Variants in EEF2KMT observed in about 807,000 individuals in gnomAD.
EEF2KMT encodes the protein protein-lysine N-methyltransferase EEF2KMT.
In EEF2KMT, 30 loss-of-function variants were observed where a neutral mutation model predicts 35.1. That is an observed-to-expected ratio of 0.85 (90% confidence interval 0.64 to 1.16). EEF2KMT has a LOEUF of 1.16. Ranked by LOEUF, EEF2KMT falls within the 50% of genes most tolerant of loss-of-function variation. The pLI, the probability that EEF2KMT is intolerant of heterozygous loss-of-function variation, is 0.00. For synonymous variants in EEF2KMT, 190 were observed against 187.7 expected, an observed-to-expected ratio of 1.01 and a Z score of -0.10; for missense variants, 499 against 438.2, an observed-to-expected ratio of 1.14 and a Z score of -1.24.
At chr16:5,088,917 C>T (rs998092593) in intron 7 of EEF2KMT, among the ~76,000 whole-genome samples, 190 bp downstream of exon 7, 7 of 152,320 alleles carry the variant, frequency 4.6e-5, no homozygotes, top group Non-Finnish European at 8.8e-5. Context: ...TGCTGAGCTG[C>T]CCTCCTCCTG....
intron 7 of EEF2KMT, among the ~76,000 whole-genome samples, chr16:5,088,097 A>C (rs897382213): frequency 7.2e-5 from 11 of 151,942 alleles, no homozygotes; most frequent in Non-Finnish European, 1.5e-4. Context: ...GTGTGCAACC[A>C]CATCTGGCTA....
rs757565797 is a variant in EEF2KMT, at chr16:5,090,102, C to G, written c.724G>C (p.Asp242His). The change falls in exon 6 of 8, where the codon GAT becomes CAT. Residue 242 changes from aspartate (D) to histidine (H), a missense_variant. Asp to His is a moderately conservative substitution (Grantham distance 81, BLOSUM62 -1). Transcript: ENST00000427587. The surrounding 1 kb of genome is among the most constrained non-coding windows in gnomAD (Gnocchi z 4.1). ...GCATTACCTGCTGCAATGACAACAT[C>G]TGGCTGGAAGGCAGAGAGCTGATGG... Reference protein sequence around the residue: ...TVHQLSAFQPDVVIAADVLYC... With the variant: ...TVHQLSAFQPHVVIAADVLYC... 2 of 1,606,660 alleles carry G rather than the reference C, an allele frequency of 1.2e-6. No individual in the cohort carries two copies. Among genetic ancestry groups the G allele is most frequent in the Non-Finnish European group, 1.7e-6 (2 of 1,179,840 alleles).
rs750228219 is a variant in EEF2KMT at position 5,084,740 on chromosome 16, T to G, written c.*892A>C. The G allele has an allele frequency of 3.8e-6, 6 of 1,595,772 alleles. No homozygotes were observed. Among genetic ancestry groups the G allele is most frequent in the Non-Finnish European group, 5.1e-6 (6 of 1,179,414 alleles). ...CAATGAGGTAAGCTCTGCTCTTTAT[T>G]TTTTTGCAGATGCTTTTCTCAAACT... On this transcript the variant is annotated 3_prime_UTR_variant, in exon 8 of 8. Coordinates refer to ENST00000427587, the MANE Select transcript of EEF2KMT (RefSeq NM_201400.4).
At position 5,085,637 on chromosome 16, in the gene EEF2KMT, G is replaced by A. The variant is rs568457681; in HGVS notation, c.988C>T (p.Leu330=). The part of the protein sequence containing the change: ...HLEMAMLNLT[L] ...GTTGGAGTCGTGTGTGAGTCCTACA[G>A]GGTGAGATTCAGCATTGCCATCTCC... is the stretch of plus-strand genomic sequence containing the variant. Residue 330 remains leucine, a synonymous_variant, in exon 8 of 8, where the codon CTG becomes TTG. Coordinates refer to ENST00000427587, the MANE Select transcript of EEF2KMT (RefSeq NM_201400.4). 1.9e-6 allele frequency: 3 copies of A among 1,605,322 alleles called. No individual in the cohort carries two copies. Among genetic ancestry groups the A allele is most frequent in the East Asian group, 4.5e-5 (2 of 44,860 alleles).
At chr16:5,095,660 T>G in intron 1 of EEF2KMT, 146 bp from the exon 2 acceptor site, 1 of 1,323,132 alleles carries the variant, frequency 7.6e-7, no homozygotes, top group South Asian at 1.3e-5. Flanking sequence ...GCTGAAAGCC[T>G]GACATTCAGA....
chr16:5,093,415 A>C lies in EEF2KMT; in HGVS notation c.240+69T>G. 3 of 1,608,266 alleles carry C rather than the reference A, an allele frequency of 1.9e-6. No individual in the cohort carries two copies. The Admixed American group carries it at 5.0e-5, about 27-fold the overall frequency. On this transcript the variant is annotated intron_variant, in intron 3 of 7. Coordinates refer to ENST00000427587, the MANE Select transcript of EEF2KMT (RefSeq NM_201400.4). ...TGCAAAGCAGGCCCAGGGCCTGGGA[A>C]GGACGGGGGCTCCAGCACGCAGGTG...
At chr16:5,088,650 C>T (rs1199200769) in intron 7 of EEF2KMT, among the ~76,000 whole-genome samples, 3 of 152,146 alleles carry the variant, frequency 2.0e-5, no homozygotes, top group Admixed American at 6.5e-5. Context: ...TGCTGGCCCA[C>T]TATGGGGCCA....
intron 1 of EEF2KMT, 58 bp from the exon 2 acceptor site, chr16:5,095,572 G>C: frequency 6.2e-7 from 1 of 1,607,236 alleles, no homozygotes. Flanking sequence ...CATTAAACAC[G>C]CAATAGAATG....
chr16:5,089,120 G>A lies in EEF2KMT; in HGVS notation c.879C>T (p.Phe293=), dbSNP rs1957282600. Residue 293 remains phenylalanine (F), a synonymous_variant, in exon 7 of 8, where the codon TTC becomes TTT. Transcript: ENST00000427587. The stretch of plus-strand genomic sequence containing the variant: ...GTGGAGGCTCACCTAGCTCGGTGGT[G>A]AACAGCTGGCACGTCTCTGGGTTGC... ...TVRNPETCQL[F]TTELGRAGIR... is the part of the protein sequence containing the mutation. 2 of 1,612,732 alleles carry A rather than the reference G, an allele frequency of 1.2e-6. No homozygotes were observed. Among genetic ancestry groups the A allele is most frequent in the Non-Finnish European group, 1.7e-6 (2 of 1,179,864 alleles).
Position 5,097,785 on chromosome 16 carries a change from C to A in EEF2KMT, c.-46G>T. The A allele has an allele frequency of 1.3e-6, 2 of 1,527,020 alleles. No homozygotes were observed. The highest frequency in any genetic ancestry group is 2.4e-5 in the South Asian group (2 of 83,308). 94.6% of individuals were successfully genotyped at this position (1,527,020 alleles called of 1,614,324 possible). A position where few individuals can be genotyped will look rare whatever the true frequency, so the allele number is the denominator to read the frequency against. On this transcript the variant is annotated 5_prime_UTR_variant, in exon 1 of 8. Coordinates refer to ENST00000427587, the MANE Select transcript of EEF2KMT (RefSeq NM_201400.4). ...GTTGCCGGCAGACCGGGCGGAAGCC[C>A]GGCCTGGACTGAAGAGGGGGCGGGC...
Position 5,090,399 on chromosome 16 carries a change from G to A in EEF2KMT, c.476+33C>T, listed in dbSNP as rs760999927. On this transcript the variant is annotated intron_variant, in intron 5 of 7. Transcript: ENST00000427587. The surrounding 1 kb of genome is among the most constrained non-coding windows in gnomAD (Gnocchi z 4.1). ...TCTGCGACTGCACCAGGGTAAGCCT[G>A]CCTCGGTGCCCTGCCCTGCGCCCCG... 5 of 1,612,032 alleles carry A rather than the reference G, an allele frequency of 3.1e-6. No individual in the cohort carries two copies. The highest frequency in any genetic ancestry group is 2.2e-5 in the East Asian group (1 of 44,876).
chr16:5,094,938 G>C (rs1257402056), intron 2 of EEF2KMT, among the ~76,000 whole-genome samples: 1 of 152,198 alleles, frequency 6.6e-6, no homozygotes, highest in Non-Finnish European at 1.5e-5. Context: ...CCAGGATGCA[G>C]GGTGATCTGC....
chr16:5,095,025 C>A (rs1188770820), intron 2 of EEF2KMT, among the ~76,000 whole-genome samples: 1 of 152,146 alleles, frequency 6.6e-6, no homozygotes, highest in Non-Finnish European at 1.5e-5. Context: ...GGCAGATGCA[C>A]TTGAGTCCAA....
At chr16:5,097,104 G>C (rs1957486602) in intron 1 of EEF2KMT, among the ~76,000 whole-genome samples, 1 of 152,214 alleles carries the variant, frequency 6.6e-6, no homozygotes, top group Non-Finnish European at 1.5e-5. Flanking sequence ...CCTGTGCTGA[G>C]AATGGCAGGT....
In EEF2KMT at chr16:5,097,688, G is replaced by C; in HGVS notation, c.52C>G (p.Arg18Gly). Residue 18 changes from arginine to glycine, a missense_variant, in exon 1 of 8, where the codon CGC becomes GGC. Coordinates refer to ENST00000427587, the MANE Select transcript of EEF2KMT (RefSeq NM_201400.4). ...AGTGTGCGTGCCGCCAGGAAGCGGC[G>C]CTCGAAACTCTGCAGCAAGAGTTCG... ...GTELLLQSFE[R>G]RFLAARTLRS... 6.3e-7 allele frequency: 1 copy of C among 1,580,820 alleles called. No individual in the cohort carries two copies. Among genetic ancestry groups the C allele is most frequent in the Non-Finnish European group, 8.6e-7 (1 of 1,168,812 alleles).
At chr16:5,092,794 C>A (rs530334655) in intron 3 of EEF2KMT, among the ~76,000 whole-genome samples, 1 of 152,120 alleles carries the variant, frequency 6.6e-6, no homozygotes, top group Admixed American at 6.5e-5. Flanking sequence ...GAAACTCTGT[C>A]TCTATTAAAA....
Position 5,090,713 on chromosome 16 carries a change from C to T in EEF2KMT, c.343-148G>A. ...AAGCAGCTAACTGTTGGCATGCCAA[C>T]AGCTTTCACGGGCCTCAAGGGTGTC... On this transcript the variant is annotated intron_variant, in intron 4 of 7. Coordinates refer to ENST00000427587, the MANE Select transcript of EEF2KMT (RefSeq NM_201400.4). This position sits in a 1 kb window ranked among gnomAD's most constrained non-coding sequence, Gnocchi z 4.1. 3 of 1,122,228 alleles carry T rather than the reference C, an allele frequency of 2.7e-6. No homozygotes were observed. Among genetic ancestry groups the T allele is most frequent in the Non-Finnish European group, 3.8e-6 (3 of 784,132 alleles). The allele number at this position is 1,122,228 out of a possible 1,614,324, so 69.5% of individuals were successfully genotyped here.
In EEF2KMT at chr16:5,090,400, C is replaced by T. The variant is rs1372216336; in HGVS notation, c.476+32G>A. ...CTGCGACTGCACCAGGGTAAGCCTG[C>T]CTCGGTGCCCTGCCCTGCGCCCCGA... On this transcript the variant is annotated intron_variant, in intron 5 of 7. Coordinates refer to ENST00000427587, the MANE Select transcript of EEF2KMT (RefSeq NM_201400.4). The surrounding 1 kb of genome is among the most constrained non-coding windows in gnomAD (Gnocchi z 4.1). The T allele has an allele frequency of 6.2e-7, 1 of 1,611,896 alleles. No homozygotes were observed. The highest frequency in any genetic ancestry group is 8.5e-7 in the Non-Finnish European group (1 of 1,179,866).
intron 2 of EEF2KMT, among the ~76,000 whole-genome samples, chr16:5,094,982 T>G (rs1231501839): frequency 1.3e-5 from 2 of 152,216 alleles, no homozygotes; most frequent in East Asian, 3.9e-4. Flanking sequence ...AGGCTGTGGC[T>G]GGGCCGGGTG....
Sources: allele counts gnomAD v4.1 joint callset (sites outside exome capture counted in the v4.1 genomes callset), GRCh38; gene constraint gnomAD v4.1.1; non-coding constraint Gnocchi (gnomAD v3.1); transcripts MANE v1.5; gene names NCBI Gene and HGNC (gene_info 2026-07-23, HGNC 2026-07-21).